Variants in GEN1 observed in about 807,000 individuals in gnomAD.
GEN1 encodes the protein GEN1 structure-specific endonuclease.
Under a neutral mutation model 67.6 loss-of-function variants are expected in GEN1, and 64 were observed. That is an observed-to-expected ratio of 0.95 (90% CI 0.77 to 1.17). The LOEUF is 1.17. GEN1 is among the 50% of genes most tolerant of loss of function. The pLI, the probability that GEN1 is intolerant of heterozygous loss-of-function variation, is 0.00. For missense variants in GEN1, 1,058 were observed against 1,048.3 expected (o/e 1.01, Z -0.13); for synonymous variants, 371 against 359.4 (o/e 1.03, Z -0.37).
intron 2 of GEN1, among the ~76,000 whole-genome samples, chr2:17,760,676 C>A (rs535471745): frequency 1.3e-5 from 2 of 152,252 alleles, no homozygotes; most frequent in South Asian, 4.1e-4. Context: ...AATCCCAGCA[C>A]TTTGGGAGGC....
intron 3 of GEN1, among the ~76,000 whole-genome samples, chr2:17,762,165 A>G (rs1328646833): frequency 6.7e-6 from 1 of 150,004 alleles, no homozygotes; most frequent in Non-Finnish European, 1.5e-5. Context: ...AATTAAAACA[A>G]TAGGAAGCTT....
At position 17,774,273 on chromosome 2, in the gene GEN1, A is replaced by T. The variant is rs1484188171; in HGVS notation, c.1074A>T (p.Arg358Ser). The change falls in exon 11 of 14, where the codon AGA becomes AGT. Residue 358 changes from arginine (R) to serine (S), a missense_variant and splice_region_variant. Transcript: ENST00000381254. ...TTTTATTTTTATTATATTTATAGAG[A>T]TTTACTCTTGAAAAAATGGAGTGGC... ...YQRPDLLLFQ[R>S]FTLEKMEWPN... The T allele has an allele frequency of 5.2e-6, 8 of 1,541,282 alleles. No homozygotes were observed. The highest frequency in any genetic ancestry group is 5.3e-6 in the Non-Finnish European group (6 of 1,131,476).
intron 3 of GEN1, among the ~76,000 whole-genome samples, chr2:17,764,217 A>G (rs1413329278): frequency 6.6e-6 from 1 of 152,190 alleles, no homozygotes. Context: ...AGTTTCCCAC[A>G]ATACGAGAGT....
At chr2:17,758,287 A>G (rs1314996617) in intron 1 of GEN1, among the ~76,000 whole-genome samples, 2 of 152,226 alleles carry the variant, frequency 1.3e-5, no homozygotes, top group East Asian at 3.8e-4. Context: ...TCACATTTAA[A>G]TTAAATTAGA....
intron 3 of GEN1, 126 bp downstream of exon 3, chr2:17,761,708 G>A: frequency 3.0e-6 from 2 of 665,746 alleles, no homozygotes; most frequent in East Asian, 3.1e-5. Flanking sequence ...CTAGAGAAAA[G>A]AGTTTATTTT....
Position 17,786,625 on chromosome 2 carries a change from C to A in GEN1, c.*4686C>A, listed in dbSNP as rs1416147706. On this transcript the variant is annotated 3_prime_UTR_variant, in exon 14 of 14. Transcript: ENST00000381254. ...GGACTAGAACTCAGATCTCCTAATT[C>A]ATGAGTGAAAACAATTCTCTGTATT... 6.6e-6 allele frequency: 1 copy of A among 152,212 alleles called. No homozygotes were observed. The highest frequency in any genetic ancestry group is 1.5e-5 in the Non-Finnish European group (1 of 68,032). 9.4% of individuals were successfully genotyped at this position (152,212 alleles called of 1,614,324 possible). A position where few individuals can be genotyped will look rare whatever the true frequency, so the allele number is the denominator to read the frequency against.
intron 7 of GEN1, among the ~76,000 whole-genome samples, chr2:17,771,526 A>G (rs1672190102): frequency 2.0e-5 from 3 of 152,186 alleles, no homozygotes; most frequent in Non-Finnish European, 4.4e-5. Context: ...GTTTCAAACT[A>G]TGATACCAAA....
At chr2:17,776,475 T>C (rs1265922514) in intron 11 of GEN1, among the ~76,000 whole-genome samples, 6 of 152,198 alleles carry the variant, frequency 3.9e-5, no homozygotes, top group Admixed American at 3.9e-4. Flanking sequence ...TGATGTGCCA[T>C]GAGACATGTT....
chr2:17,766,370 A>C (rs1351092669), intron 4 of GEN1, among the ~76,000 whole-genome samples: 11 of 152,188 alleles, frequency 7.2e-5, no homozygotes, highest in Non-Finnish European at 1.3e-4. Flanking sequence ...GGGTTTCACC[A>C]TGTTGGCCAG....
intron 6 of GEN1, among the ~76,000 whole-genome samples, chr2:17,770,877 C>CA (rs150186233): frequency 0.15 from 21,165 of 142,938 alleles, 1,852 homozygotes; most frequent in African/African-American, 0.26. Flanking sequence ...TAAGATTCTT[C>CA]AAAAAAAAAA....
At chr2:17,780,231 C>T (rs1474986997) in intron 13 of GEN1, 110 bp downstream of exon 13, 1 of 844,014 alleles carries the variant, frequency 1.2e-6, no homozygotes, top group Non-Finnish European at 1.8e-6. Context: ...TCTATAAACT[C>T]AAAAGTCAAG....
In GEN1 at chr2:17,771,243, T is replaced by C; in HGVS notation, c.758T>C (p.Leu253Pro). The C allele has an allele frequency of 1.2e-6, 2 of 1,611,980 alleles. No individual in the cohort carries two copies. The highest frequency in any genetic ancestry group is 2.7e-5 in the African/African-American group (2 of 74,982). ...ETSCNSSPQL[L>P]VTKKLAHCSV... The stretch of plus-strand genomic sequence containing the variant: ...TCTTGTAACTCTAGTCCACAACTGC[T>C]AGTCACTAAAAAACTGGCTCATTGT... Residue 253 changes from leucine (L) to proline (P), a missense_variant, in exon 7 of 14, where the codon CTA becomes CCA. Coordinates refer to ENST00000381254, the MANE Select transcript of GEN1 (RefSeq NM_001130009.3).
chr2:17,778,436 ACACACACATATATGTGTGTACATATATG>A lies in GEN1; in HGVS notation c.1264+374_1264+401del, dbSNP rs1183536069. ...TATATGTGTGTACATATATGTATAT[ACACACACATATATGTGTGTACATATATG>A]TATATACACACACAGCATGTGTGTG... On this transcript the variant is annotated intron_variant, in intron 12 of 13. Transcript: ENST00000381254. Among the ~76,000 whole-genome samples, 30 of 67,666 alleles carry A rather than the reference ACACACACATATATGTGTGTACATATATG, an allele frequency of 4.4e-4. 6 individuals carry two copies. Among genetic ancestry groups the A allele is most frequent in the African/African-American group, 1.6e-3 (27 of 16,882 alleles). 44.4% of individuals were successfully genotyped at this position (67,666 alleles called of 152,430 possible).
rs1034053398 is a variant in GEN1 at position 17,771,112 on chromosome 2, A to G, written c.711-84A>G. ...GAAAATAATTAGGTAGGTGAAAGGGAATAGATCAGCCTGATATTTGAGAAC... is the reference window on the plus strand; with the variant it reads ...GAAAATAATTAGGTAGGTGAAAGGGGATAGATCAGCCTGATATTTGAGAAC... On this transcript the variant is annotated intron_variant, in intron 6 of 13. Transcript: ENST00000381254. 4 of 814,336 alleles carry G rather than the reference A, an allele frequency of 4.9e-6. No individual in the cohort carries two copies. The African/African-American group carries it at 6.7e-5, about 14-fold the overall frequency. The allele number at this position is 814,336 out of a possible 1,614,324, so 50.4% of individuals were successfully genotyped here.
chr2:17,757,186 TG>T (rs1305199704), intron 1 of GEN1, among the ~76,000 whole-genome samples: 2 of 151,444 alleles, frequency 1.3e-5, no homozygotes, highest in Non-Finnish European at 2.9e-5. Flanking sequence ...ATATTATTTA[TG>T]GGGTTAAAAG....
In GEN1 at chr2:17,771,251, A is replaced by G. The variant is rs767358462; in HGVS notation, c.766A>G (p.Lys256Glu). 3.7e-5 allele frequency: 60 copies of G among 1,610,900 alleles called. No homozygotes were observed. Among genetic ancestry groups the G allele is most frequent in the Middle Eastern group, 1.7e-4 (1 of 6,058 alleles). Residue 256 changes from lysine (K) to glutamate (E), a missense_variant, in exon 7 of 14, where the codon AAA becomes GAA. Lys to Glu is a moderately conservative substitution (Grantham distance 56, BLOSUM62 1). Coordinates refer to ENST00000381254, the MANE Select transcript of GEN1 (RefSeq NM_001130009.3). ...CNSSPQLLVT[K>E]KLAHCSVCSH... ...CTCTAGTCCACAACTGCTAGTCACT[A>G]AAAAACTGGCTCATTGTTCCGTATG...
At chr2:17,780,225 TAA>T in intron 13 of GEN1, 104 bp downstream of exon 13, 1 of 902,348 alleles carries the variant, frequency 1.1e-6, no homozygotes, top group Non-Finnish European at 1.7e-6. Flanking sequence ...GAAAAATCTA[TAA>T]ACTCAAAAGT....
At chr2:17,775,287 G>A (rs2125154089) in intron 11 of GEN1, among the ~76,000 whole-genome samples, 1 of 152,186 alleles carries the variant, frequency 6.6e-6, no homozygotes, top group Admixed American at 6.5e-5. Context: ...CAATCAAGGG[G>A]TCTCTAGGCT....
At chr2:17,774,509 C>G in intron 11 of GEN1, 108 bp downstream of exon 11, 1 of 782,444 alleles carries the variant, frequency 1.3e-6, no homozygotes, top group African/African-American at 1.8e-5. Flanking sequence ...GAGGAAAGGC[C>G]TCCTGGAATA....
Sources: gnomAD v4.1 joint callset for allele counts (sites outside exome capture counted in the v4.1 genomes callset) on GRCh38, gnomAD v4.1.1 for gene constraint, MANE v1.5 for transcripts, NCBI Gene and HGNC (gene_info 2026-07-23, HGNC 2026-07-21) for gene names.